The following ABCC3 variants were observed in gnomAD, a reference collection of about 807,000 sequenced individuals.
ABCC3 encodes the protein ATP-binding cassette sub-family C member 3.
ABCC3 carries 121 observed loss-of-function variants against 165.3 expected under a neutral mutation model. That is an observed-to-expected ratio of 0.73 (90% CI 0.63 to 0.85). ABCC3 has a LOEUF of 0.85. Ranked by LOEUF, ABCC3 falls within the 40% of genes least tolerant of loss-of-function variation. The pLI, the probability that ABCC3 is intolerant of heterozygous loss-of-function variation, is 0.00. For synonymous variants in ABCC3, 733 were observed against 810.1 expected, an observed-to-expected ratio of 0.90 and a Z score of 1.62; for missense variants, 1,869 against 1,964.1, an observed-to-expected ratio of 0.95 and a Z score of 0.92.
In ABCC3 at chr17:50,635,484, C is replaced by T. The variant is rs901930319; in HGVS notation, c.45+503C>T. 5.7e-6 allele frequency: 4 copies of T among 702,466 alleles called. No homozygotes were observed. In the African/African-American group the frequency reaches 7.0e-5, roughly 12 times the overall value. The allele number at this position is 702,466 out of a possible 1,614,324, so 43.5% of individuals were successfully genotyped here. On this transcript the variant is annotated intron_variant, in intron 1 of 30. Transcript: ENST00000285238. ...GGAGGCCGGCTGTGCAGTGTCCCAC[C>T]CTTCTTAGGAAGGTTTCCTGCCACC...
chr17:50,663,530 G>A, intron 8 of ABCC3, 151 bp from the exon 9 acceptor site: 2 of 853,972 alleles, frequency 2.3e-6, no homozygotes, highest in African/African-American at 1.7e-5. Flanking sequence ...GCAGTACTGG[G>A]TTGACCCTCC....
chr17:50,648,400 C>T (rs953756517), intron 1 of ABCC3, among the ~76,000 whole-genome samples: 3 of 152,188 alleles, frequency 2.0e-5, no homozygotes, highest in African/African-American at 7.2e-5. Context: ...ACCCAAGATA[C>T]TTATCCATCT....
chr17:50,672,958 C>T lies in ABCC3; in HGVS notation c.2242-13C>T, dbSNP rs774267610. On this transcript the variant is annotated splice_polypyrimidine_tract_variant and intron_variant, in intron 17 of 30. Coordinates refer to ENST00000285238, the MANE Select transcript of ABCC3 (RefSeq NM_003786.4). ...GTCTGACCCCATTTTTCCCACCCCC[C>T]GCCTCCCTCCAGGGCATTAACCTGT... is the stretch of plus-strand genomic sequence containing the variant. 86 of 1,611,032 alleles carry T rather than the reference C, an allele frequency of 5.3e-5. No homozygotes were observed. The highest frequency in any genetic ancestry group is 1.7e-4 in the Middle Eastern group (1 of 6,048).
chr17:50,679,951 G>T lies in ABCC3; in HGVS notation c.3807+52G>T, dbSNP rs1248399264. ...GGGGGAATCTGAAGTAGCTGGGGAA[G>T]AAAGCTTGGTGGCTCTCTCTCCCTC... On this transcript the variant is annotated intron_variant, in intron 26 of 30. Coordinates refer to ENST00000285238, the MANE Select transcript of ABCC3 (RefSeq NM_003786.4). 3.4e-6 allele frequency: 5 copies of T among 1,487,380 alleles called. No individual in the cohort carries two copies. In the South Asian group the frequency reaches 5.7e-5, roughly 17 times the overall value. 92.1% of individuals were successfully genotyped at this position (1,487,380 alleles called of 1,614,324 possible). A position where few individuals can be genotyped will look rare whatever the true frequency, so the allele number is the denominator to read the frequency against.
At chr17:50,635,647 T>G in intron 1 of ABCC3, 1 of 699,720 alleles carries the variant, frequency 1.4e-6, no homozygotes, top group East Asian at 2.7e-5. Flanking sequence ...TTCTCACAGA[T>G]GGAGAAAGGG....
intron 6 of ABCC3, among the ~76,000 whole-genome samples, chr17:50,658,863 G>A (rs1967316163): frequency 6.6e-6 from 1 of 152,208 alleles, no homozygotes; most frequent in South Asian, 2.1e-4. Context: ...AACTGTGTCT[G>A]TGACCTGGGT....
chr17:50,635,741 A>G (rs910762959), intron 1 of ABCC3: 4 of 622,048 alleles, frequency 6.4e-6, no homozygotes, highest in South Asian at 5.5e-5. Flanking sequence ...GCTACAGGCC[A>G]GGTGCAGTGG....
At chr17:50,668,313 C>T (rs1174052475) in intron 13 of ABCC3, 117 bp from the exon 14 acceptor site, 1 of 825,016 alleles carries the variant, frequency 1.2e-6, no homozygotes, top group African/African-American at 1.7e-5. Context: ...GACCCCAGTG[C>T]TAGTGTCTGG....
chr17:50,637,668 A>G (rs1182974934), intron 1 of ABCC3, among the ~76,000 whole-genome samples: 2 of 152,238 alleles, frequency 1.3e-5, no homozygotes, highest in Non-Finnish European at 2.9e-5. Context: ...TGGAATGGGA[A>G]ATAACCCAAC....
rs58534606 is a variant in ABCC3 at position 50,659,334 on chromosome 17, G to A, written c.772G>A (p.Glu258Lys). The A allele has an allele frequency of 3.3e-4, 529 of 1,612,328 alleles. 1 individual carries two copies. The highest frequency in any genetic ancestry group is 4.2e-4 in the Non-Finnish European group (495 of 1,178,702). The change falls in exon 7 of 31, where the codon GAG becomes AAG. Residue 258 changes from glutamate to lysine, a missense_variant. Coordinates refer to ENST00000285238, the MANE Select transcript of ABCC3 (RefSeq NM_003786.4). ...CCAGATGGTGGTGCAGCAGCTGCTG[G>A]AGGCATGGAGGAAGCAGGAAAAGCA... Reference protein sequence around the residue: ...RSQMVVQQLLEAWRKQEKQTA... With the variant: ...RSQMVVQQLLKAWRKQEKQTA...
intron 8 of ABCC3, 138 bp downstream of exon 8, chr17:50,661,252 C>A: frequency 1.1e-6 from 1 of 921,378 alleles, no homozygotes; most frequent in Non-Finnish European, 1.6e-6. Context: ...TCTGTGTGAC[C>A]TTTGGCAAGT....
intron 17 of ABCC3, among the ~76,000 whole-genome samples, chr17:50,670,223 C>T (rs774053021): frequency 2.0e-5 from 3 of 152,062 alleles, no homozygotes; most frequent in Non-Finnish European, 2.9e-5. Context: ...GCTGGGATTA[C>T]GGGTGCGCAC....
intron 30 of ABCC3, among the ~76,000 whole-genome samples, chr17:50,690,621 AGCAGCAGCAGCAGCAGCC>A (rs574702420): frequency 7.6e-4 from 115 of 152,256 alleles, no homozygotes; most frequent in Non-Finnish European, 1.5e-3. Flanking sequence ...ACCGAGCAGC[AGCAGCAGCAGCAGCAGCC>A]GCAGCAGCCG....
In ABCC3 at chr17:50,683,467, A is replaced by G. The variant is rs552619592; in HGVS notation, c.3808-143A>G. On this transcript the variant is annotated intron_variant, in intron 26 of 30. Transcript: ENST00000285238. ...CAGAGGGATAAAGGAGTCATTGAAC[A>G]CAAGGCTGAGCCACAGGGGTGCCAA... The G allele has an allele frequency of 1.1e-4, 94 of 877,930 alleles. No homozygotes were observed. In the African/African-American group the frequency reaches 1.6e-3, roughly 15 times the overall value. 54.4% of individuals were successfully genotyped at this position (877,930 alleles called of 1,614,324 possible).
chr17:50,660,586 G>C (rs1209896049), intron 7 of ABCC3, among the ~76,000 whole-genome samples: 1 of 152,134 alleles, frequency 6.6e-6, no homozygotes, highest in Non-Finnish European at 1.5e-5. Flanking sequence ...CAGCTGCCCG[G>C]TGGCTGTACC....
rs535850714 is a variant in ABCC3 at position 50,656,697 on chromosome 17, C to G, written c.223-5C>G. On this transcript the variant is annotated splice_region_variant and splice_polypyrimidine_tract_variant and intron_variant, in intron 2 of 30. Transcript: ENST00000285238. Reference sequence around the variant, plus strand: ...TGCGGATTCCAACCTGTGCTCTCTTCGCAGGTCCTGGGTGTCCTGCTGTGG... The same window carrying G: ...TGCGGATTCCAACCTGTGCTCTCTTGGCAGGTCCTGGGTGTCCTGCTGTGG... 3 of 1,609,368 alleles carry G rather than the reference C, an allele frequency of 1.9e-6. No individual in the cohort carries two copies. The highest frequency in any genetic ancestry group is 1.1e-5 in the South Asian group (1 of 90,294).
chr17:50,645,905 T>C lies in ABCC3; in HGVS notation c.46-9927T>C, dbSNP rs1966994943. 2.0e-5 allele frequency among the ~76,000 whole-genome samples: 3 copies of C among 152,238 alleles called. No homozygotes were observed. The South Asian group carries it at 6.2e-4, about 32-fold the overall frequency. ...TGGTCTTCAATAAATATTTGATTTA[T>C]TTAAGCAAATCTTTTTTCTGAGCAC... is the stretch of plus-strand genomic sequence containing the variant. On this transcript the variant is annotated intron_variant, in intron 1 of 30. Transcript: ENST00000285238.
At chr17:50,659,389 C>G (rs1157603982) in intron 7 of ABCC3, 21 bp downstream of exon 7, 1 of 1,598,090 alleles carries the variant, frequency 6.3e-7, no homozygotes, top group Admixed American at 1.7e-5. Context: ...CCCCTTGCCC[C>G]AACACCCAGC....
intron 1 of ABCC3, among the ~76,000 whole-genome samples, chr17:50,654,992 C>G (rs1967194332): frequency 6.7e-6 from 1 of 149,258 alleles, no homozygotes; most frequent in South Asian, 2.1e-4. Context: ...CCCAGCTACT[C>G]CAGAGGCTGA....
Sources: allele counts gnomAD v4.1 joint callset (sites outside exome capture counted in the v4.1 genomes callset), GRCh38; gene constraint gnomAD v4.1.1; transcripts MANE v1.5; gene names NCBI Gene and HGNC (gene_info 2026-07-23, HGNC 2026-07-21).